ESRRG: variants seen among roughly 807,000 people sequenced by gnomAD.
ESRRG encodes the protein estrogen related receptor gamma.
In ESRRG, 13 loss-of-function variants were observed where a neutral mutation model predicts 44.0. The observed-to-expected ratio is 0.30, with a 90% CI of 0.19 to 0.47. The LOEUF (loss-of-function observed/expected upper bound fraction) is 0.47. Among genes scored for constraint, ESRRG ranks in the 20% least tolerant of loss-of-function variants. The pLI is 1.00. For missense variants in ESRRG, 395 were observed against 580.6 expected (o/e 0.68, Z 3.29); for synonymous variants, 215 against 214.6 (o/e 1.00, Z -0.02).
At position 216,503,909 on chromosome 1, in the gene ESRRG, C is replaced by T. The variant is rs1183663909; in HGVS notation, c.*3030G>A. On this transcript the variant is annotated 3_prime_UTR_variant, in exon 7 of 7. Coordinates refer to ENST00000408911, the MANE Select transcript of ESRRG (RefSeq NM_001438.4). ...ACCTTTATAACTTTCCAAAACTTCA[C>T]ATTAAGTAAATGGTCTTGCTTGAAA... The T allele has an allele frequency of 6.6e-6, 1 of 152,516 alleles. No homozygotes were observed. The highest frequency in any genetic ancestry group is 2.4e-5 in the African/African-American group (1 of 41,426). 9.4% of individuals were successfully genotyped at this position (152,516 alleles called of 1,614,324 possible).
At chr1:216,545,776 T>C (rs1247187491) in intron 5 of ESRRG, among the ~76,000 whole-genome samples, 1 of 152,084 alleles carries the variant, frequency 6.6e-6, no homozygotes, top group Non-Finnish European at 1.5e-5. Context: ...AAGAAAACTC[T>C]TAATTCAAAT....
chr1:217,009,383 G>A (rs1337291039), intron 1 of ESRRG, among the ~76,000 whole-genome samples: 2 of 152,142 alleles, frequency 1.3e-5, no homozygotes. Flanking sequence ...TCAGATCACT[G>A]GCTTTGAGGC....
intron 2 of ESRRG, among the ~76,000 whole-genome samples, chr1:216,840,673 C>T (rs1174748695): frequency 6.6e-6 from 1 of 152,084 alleles, no homozygotes; most frequent in Admixed American, 6.6e-5. Flanking sequence ...CACTTGAACA[C>T]TTAGAGGTCA....
chr1:216,685,131 C>T (rs1008105828), intron 1 of ESRRG, among the ~76,000 whole-genome samples: 3 of 152,136 alleles, frequency 2.0e-5, no homozygotes, highest in Non-Finnish European at 4.4e-5. Flanking sequence ...TATAGTCAAC[C>T]ATTTGGGTAG....
intron 3 of ESRRG, among the ~76,000 whole-genome samples, chr1:216,589,245 C>T (rs1442716299): frequency 2.6e-5 from 4 of 152,052 alleles, no homozygotes; most frequent in South Asian, 2.1e-4. Flanking sequence ...CTTTGCAGGA[C>T]GTAGAACAAG....
rs12760814 is a variant in ESRRG, at chr1:216,782,979, T to A, written c.-13-105488A>T. 8.0e-3 allele frequency among the ~76,000 whole-genome samples: 1,212 copies of A among 152,122 alleles called. 11 individuals carry two copies. The highest frequency in any genetic ancestry group is 0.014 in the Non-Finnish European group (922 of 67,978). ...TTAAAAAAATCCTACTTGGATGCCC[T>A]CTGTTCATTATAAATAGCCTCATGT... On this transcript the variant is annotated intron_variant, in intron 2 of 7. Coordinates refer to the ESRRG transcript ENST00000359162.
chr1:216,808,802 A>G (rs2094878664), intron 2 of ESRRG, among the ~76,000 whole-genome samples: 1 of 152,138 alleles, frequency 6.6e-6, no homozygotes, highest in African/African-American at 2.4e-5. Context: ...TTGTAATATT[A>G]TTTGCTCCCA....
At chr1:216,940,598 G>A (rs2065056384) in intron 1 of ESRRG, among the ~76,000 whole-genome samples, 1 of 152,030 alleles carries the variant, frequency 6.6e-6, no homozygotes, top group Admixed American at 6.6e-5. Flanking sequence ...TACTCGGGTG[G>A]CACCAGGCCA....
At chr1:216,934,263 G>A (rs780774520) in intron 2 of ESRRG, among the ~76,000 whole-genome samples, 5 of 151,982 alleles carry the variant, frequency 3.3e-5, no homozygotes, top group Non-Finnish European at 5.9e-5. Context: ...GCGAAACCCC[G>A]TCTCTACTAA....
chr1:217,002,176 T>G (rs764088363), intron 1 of ESRRG, among the ~76,000 whole-genome samples: 13 of 151,016 alleles, frequency 8.6e-5, no homozygotes, highest in Non-Finnish European at 1.3e-4. Flanking sequence ...GTGGTACATA[T>G]CTGTAATTCC....
intron 3 of ESRRG, among the ~76,000 whole-genome samples, chr1:216,619,961 A>C (rs1445031988): frequency 4.6e-5 from 7 of 152,172 alleles, no homozygotes; most frequent in Non-Finnish European, 5.9e-5. Context: ...GAAAGCACAC[A>C]CTTTCTCTGT....
At chr1:216,910,170 A>G (rs1012639478) in intron 2 of ESRRG, among the ~76,000 whole-genome samples, 4 of 152,066 alleles carry the variant, frequency 2.6e-5, no homozygotes, top group Non-Finnish European at 5.9e-5. Context: ...ATTAGTTACT[A>G]TCCATTATAT....
At chr1:216,558,453 C>T (rs1327208801) in intron 5 of ESRRG, among the ~76,000 whole-genome samples, 3 of 152,124 alleles carry the variant, frequency 2.0e-5, no homozygotes, top group Non-Finnish European at 2.9e-5. Flanking sequence ...TCTCCCCTCT[C>T]TATTAAAATT....
intron 1 of ESRRG, among the ~76,000 whole-genome samples, chr1:217,060,814 A>AGATAGATAGATAGAT (rs1553266107): frequency 0.041 from 2,447 of 60,294 alleles, 62 homozygotes; most frequent in African/African-American, 0.086. Flanking sequence ...ATAGATAGAT[A>AGATAGATAGATAGAT]GATAGATAGA....
At chr1:216,689,397 T>C (rs561075426) in intron 1 of ESRRG, among the ~76,000 whole-genome samples, 1 of 152,240 alleles carries the variant, frequency 6.6e-6, no homozygotes, top group African/African-American at 2.4e-5. Flanking sequence ...CCAGGTTACA[T>C]AATATCATTC....
At chr1:216,601,356 G>C (rs192010679) in intron 3 of ESRRG, among the ~76,000 whole-genome samples, 340 of 152,272 alleles carry the variant, frequency 2.2e-3, no homozygotes, top group Non-Finnish European at 4.0e-3. Context: ...CCGACGCCGG[G>C]CTTCAAACAG....
chr1:216,973,090 A>G lies in ESRRG; in HGVS notation c.-105-33417T>C, dbSNP rs552921412. Among the ~76,000 whole-genome samples the G allele has an allele frequency of 4.6e-5, 7 of 152,258 alleles. No homozygotes were observed. The East Asian group carries it at 1.2e-3, about 25-fold the overall frequency. On this transcript the variant is annotated intron_variant, in intron 1 of 7. Coordinates refer to the ESRRG transcript ENST00000359162. ...CCTGGAGAACTGCAGCAGCCTCTCA[A>G]TGAGGCTCCCTGCTTCTGTCCTAGC... is the stretch of plus-strand genomic sequence containing the variant.
At chr1:216,642,333 T>G (rs1229047622) in intron 3 of ESRRG, among the ~76,000 whole-genome samples, 2 of 152,100 alleles carry the variant, frequency 1.3e-5, no homozygotes, top group African/African-American at 4.8e-5. Context: ...AAATCTGTGT[T>G]ATTAGTCTTA....
intron 1 of ESRRG, among the ~76,000 whole-genome samples, chr1:217,099,142 T>G (rs900176647): frequency 1.1e-4 from 16 of 152,220 alleles, no homozygotes; most frequent in African/African-American, 3.9e-4. Flanking sequence ...CAGAGAAAAG[T>G]GCCTGGCACA....
Sources: gnomAD v4.1 joint callset for allele counts (sites outside exome capture counted in the v4.1 genomes callset) on GRCh38, gnomAD v4.1.1 for gene constraint, MANE v1.5 for transcripts, NCBI Gene and HGNC (gene_info 2026-07-23, HGNC 2026-07-21) for gene names.